ANKHD1: variants seen among roughly 807,000 people sequenced by gnomAD.
The protein encoded by ANKHD1 is ankyrin repeat and KH domain containing 1, also known as ankyrin repeat and KH domain-containing protein 1.
Under a neutral mutation model 230.5 loss-of-function variants are expected in ANKHD1, and 31 were observed. That is an observed-to-expected ratio of 0.13 (90% CI 0.10 to 0.18). The LOEUF is 0.18. Ranked by LOEUF, ANKHD1 falls within the 10% of genes least tolerant of loss-of-function variation. ANKHD1 has a pLI of 1.00. For missense variants in ANKHD1, 2,256 were observed against 3,071.3 expected, an observed-to-expected ratio of 0.73 and a Z score of 6.27; for synonymous variants, 1,074 against 1,117.6, an observed-to-expected ratio of 0.96 and a Z score of 0.78.
At chr5:140,408,070 G>C (rs1770621788) in intron 1 of ANKHD1, among the ~76,000 whole-genome samples, 1 of 152,056 alleles carries the variant, frequency 6.6e-6, no homozygotes, top group Admixed American at 6.6e-5. Context: ...CTAGCCACTT[G>C]GGAGGCTGAG....
chr5:140,517,146 T>C (rs1181213365), intron 24 of ANKHD1, among the ~76,000 whole-genome samples: 30 of 147,708 alleles, frequency 2.0e-4, no homozygotes, highest in African/African-American at 6.5e-4. Flanking sequence ...AATCCTAGCC[T>C]CTGATAAAAC....
At chr5:140,515,282 A>C (rs532264373) in intron 24 of ANKHD1, among the ~76,000 whole-genome samples, 193 of 147,922 alleles carry the variant, frequency 1.3e-3, no homozygotes, top group African/African-American at 4.5e-3. Context: ...TGTCCCCCCA[A>C]AAAAAAAAAA....
intron 10 of ANKHD1, among the ~76,000 whole-genome samples, chr5:140,481,442 A>G (rs113767318): frequency 0.016 from 2,464 of 152,142 alleles, 74 homozygotes; most frequent in African/African-American, 0.056. Context: ...CAAAGCATAA[A>G]GTAGTTTTTA....
intron 7 of ANKHD1, among the ~76,000 whole-genome samples, chr5:140,456,243 C>T (rs1209431865): frequency 6.6e-6 from 1 of 152,214 alleles, no homozygotes; most frequent in Non-Finnish European, 1.5e-5. Flanking sequence ...ATTCCATGCT[C>T]ATGGATAGGG....
At chr5:140,529,886 TCA>T in intron 29 of ANKHD1, 90 bp downstream of exon 29, 1 of 1,520,944 alleles carries the variant, frequency 6.6e-7, no homozygotes, top group Non-Finnish European at 8.8e-7. Flanking sequence ...AAGAGGTAAA[TCA>T]GTCACATATA....
At chr5:140,497,894 C>T (rs1203741143) in intron 15 of ANKHD1, 1 of 147,746 alleles carries the variant, frequency 6.8e-6, no homozygotes, top group Non-Finnish European at 1.5e-5. Context: ...CACACACACA[C>T]ACACACACAC....
At chr5:140,464,065 A>G (rs1235120112) in intron 9 of ANKHD1, among the ~76,000 whole-genome samples, 1 of 151,950 alleles carries the variant, frequency 6.6e-6, no homozygotes, top group Non-Finnish European at 1.5e-5. Flanking sequence ...GTAAAACCCT[A>G]TCTCTACTAA....
chr5:140,515,510 G>A (rs999858723), intron 24 of ANKHD1, among the ~76,000 whole-genome samples: 4 of 152,222 alleles, frequency 2.6e-5, no homozygotes, highest in Non-Finnish European at 5.9e-5. Flanking sequence ...CAGCGTGAGC[G>A]ACGCAGAAGA....
chr5:140,461,630 G>C (rs1775710622), intron 9 of ANKHD1, among the ~76,000 whole-genome samples: 1 of 151,890 alleles, frequency 6.6e-6, no homozygotes, highest in African/African-American at 2.4e-5. Context: ...TATTTCATCT[G>C]TACTTCTTCC....
chr5:140,503,923 A>G (rs778672686), intron 15 of ANKHD1, among the ~76,000 whole-genome samples: 2 of 151,956 alleles, frequency 1.3e-5, no homozygotes, highest in African/African-American at 4.8e-5. Context: ...TAGAACTTCA[A>G]TGTTCATTTT....
At chr5:140,447,307 A>G (rs1774364378) in intron 6 of ANKHD1, among the ~76,000 whole-genome samples, 1 of 152,098 alleles carries the variant, frequency 6.6e-6, no homozygotes, top group Non-Finnish European at 1.5e-5. Flanking sequence ...GGTTCAAGCT[A>G]TCCTCCTGCC....
At chr5:140,415,687 C>T (rs1283270504) in intron 1 of ANKHD1, among the ~76,000 whole-genome samples, 1 of 151,968 alleles carries the variant, frequency 6.6e-6, no homozygotes, top group Admixed American at 6.6e-5. Flanking sequence ...ATCTGCCTGC[C>T]TCTGCCTCCC....
At position 140,496,538 on chromosome 5, in the gene ANKHD1, C is replaced by G; in HGVS notation, c.2264C>G (p.Ser755Cys). ...GVQKGTSKQK[S>C]SSLQVADQDL... is the part of the protein sequence containing the mutation. ...TGCTTAGGTACATCCAAGCAGAAGT[C>G]CAGTTCCCTCCAGGTAGCAGATCAG... Residue 755 changes from serine to cysteine, a missense_variant, in exon 15 of 34, where the codon TCC (serine) becomes TGC (cysteine). Ser to Cys is a moderately radical substitution (Grantham distance 112). Transcript: ENST00000360839. 1 of 1,562,854 alleles carries G rather than the reference C, an allele frequency of 6.4e-7. No homozygotes were observed. The highest frequency in any genetic ancestry group is 8.7e-7 in the Non-Finnish European group (1 of 1,154,386).
chr5:140,527,940 A>G lies in ANKHD1; in HGVS notation c.5155A>G (p.Thr1719Ala). ...AATGGGAAGAGGAGGATGCAACATC[A>G]CTGCAATACAGGATGTTACTGGTGC... The part of the protein sequence containing the change: ...RIMGRGGCNI[T>A]AIQDVTGAHI... Residue 1719 changes from threonine to alanine, a missense_variant, in exon 28 of 34, where the codon ACT becomes GCT. By Grantham distance (58) the Thr-to-Ala change is moderately conservative. Around this residue, in one of 13 missense-constraint regions of ANKHD1, gnomAD observed 23 missense variants for 59.9 expected, o/e 0.38. Transcript: ENST00000360839. This position sits in a 1 kb window ranked among gnomAD's most constrained non-coding sequence, Gnocchi z 4.5. The G allele has an allele frequency of 1.2e-6, 2 of 1,613,984 alleles. No individual in the cohort carries two copies. The highest frequency in any genetic ancestry group is 1.7e-6 in the Non-Finnish European group (2 of 1,179,920).
intron 10 of ANKHD1, among the ~76,000 whole-genome samples, chr5:140,480,471 G>A (rs2127011287): frequency 6.6e-6 from 1 of 152,144 alleles, no homozygotes; most frequent in Admixed American, 6.5e-5. Context: ...TCTTTGCCAT[G>A]ACTCACGGGA....
chr5:140,516,314 G>A (rs1395508711), intron 24 of ANKHD1, among the ~76,000 whole-genome samples: 7 of 152,160 alleles, frequency 4.6e-5, no homozygotes, highest in African/African-American at 9.7e-5. Flanking sequence ...CCAAATCTAC[G>A]TCTGATTGGT....
intron 1 of ANKHD1, among the ~76,000 whole-genome samples, chr5:140,420,189 C>T (rs1771862138): frequency 6.6e-6 from 1 of 151,032 alleles, no homozygotes; most frequent in African/African-American, 2.4e-5. Context: ...AAGGTCTCAC[C>T]ATTTTGCCCA....
intron 10 of ANKHD1, among the ~76,000 whole-genome samples, chr5:140,466,014 T>C (rs572200956): frequency 6.6e-6 from 1 of 152,342 alleles, no homozygotes; most frequent in East Asian, 1.9e-4. Flanking sequence ...AATACTCTTA[T>C]CCTCTAAATT....
chr5:140,425,450 G>A (rs1253610136), intron 1 of ANKHD1, among the ~76,000 whole-genome samples: 1 of 152,062 alleles, frequency 6.6e-6, no homozygotes, highest in African/African-American at 2.4e-5. Flanking sequence ...GTAGAGACAG[G>A]GTTTCACCCT....
Sources: gnomAD v4.1 joint callset for allele counts (sites outside exome capture counted in the v4.1 genomes callset) on GRCh38, gnomAD v4.1.1 for gene constraint, gnomAD v4.1.1 regional missense constraint, Gnocchi (gnomAD v3.1) non-coding constraint, MANE v1.5 for transcripts, NCBI Gene and HGNC (gene_info 2026-07-23, HGNC 2026-07-21) for gene names.